Variants in RASEF observed in about 807,000 individuals in gnomAD.
RASEF encodes ras and EF-hand domain-containing protein.
In RASEF, 68 loss-of-function variants were observed where a neutral mutation model predicts 90.1. The observed-to-expected ratio is 0.75, with a 90% confidence interval of 0.62 to 0.92. The LOEUF (loss-of-function observed/expected upper bound fraction) is 0.92, where lower values mean the gene tolerates loss of function less well. Among genes scored for constraint, RASEF ranks in the 40% least tolerant of loss-of-function variants. The pLI, the probability that RASEF is intolerant of heterozygous loss-of-function variation, is 0.00. For missense variants in RASEF, 949 were observed against 937.2 expected, an observed-to-expected ratio of 1.01 and a Z score of -0.16; for synonymous variants, 331 against 345.2, an observed-to-expected ratio of 0.96 and a Z score of 0.46.
chr9:82,994,712 C>A (rs548813025), intron 14 of RASEF, among the ~76,000 whole-genome samples: 1 of 152,202 alleles, frequency 6.6e-6, no homozygotes, highest in Admixed American at 6.5e-5. Context: ...TATCTCCATT[C>A]AGCTTTTACC....
the RASEF span, among the ~76,000 whole-genome samples, chr9:83,090,022 C>T: frequency 5.9e-5 from 9 of 152,034 alleles, no homozygotes; most frequent in Admixed American, 4.6e-4. Context: ...AGGATTTGTT[C>T]ATTTTTCTTC....
rs1830234675 is a variant in RASEF at position 83,062,696 on chromosome 9, G to T, written c.172C>A (p.Arg58Ser). 3.2e-6 allele frequency: 5 copies of T among 1,575,028 alleles called. No individual in the cohort carries two copies. Among genetic ancestry groups the T allele is most frequent in the Non-Finnish European group, 3.4e-6 (4 of 1,169,288 alleles). ...TCCTGGAAGGTGATGGCGCCGTCAC[G>T]GTCGGCGTCCAGCCGCTGGAATACT... Reference protein sequence around the residue: ...EAVFQRLDADRDGAITFQEFA... With the variant: ...EAVFQRLDADSDGAITFQEFA... The change falls in exon 1 of 17, where the codon CGT becomes AGT. Residue 58 changes from arginine to serine, a missense_variant. Arg to Ser is a moderately radical substitution (Grantham distance 110). Around this residue, in one of 3 missense-constraint regions of RASEF, gnomAD observed 656 missense variants for 592.2 expected, o/e 1.11. Transcript: ENST00000376447.
At chr9:83,111,913 T>C in the RASEF span, among the ~76,000 whole-genome samples, 13 of 152,092 alleles carry the variant, frequency 8.5e-5, no homozygotes, top group African/African-American at 3.1e-4. Context: ...ATACTTGTAA[T>C]AGCTGTAATA....
intron 7 of RASEF, 24 bp downstream of exon 7, chr9:83,007,413 T>C: frequency 1.3e-6 from 2 of 1,548,856 alleles, no homozygotes; most frequent in Non-Finnish European, 1.8e-6. Flanking sequence ...GTAAATGTAA[T>C]GAGCATTTGA....
chr9:83,093,513 G>A, the RASEF span, among the ~76,000 whole-genome samples: 1 of 152,242 alleles, frequency 6.6e-6, no homozygotes, highest in African/African-American at 2.4e-5. Context: ...GGGGGACCCA[G>A]TACACCCTCC....
chr9:83,153,411 C>A, the RASEF span, among the ~76,000 whole-genome samples: 592 of 152,234 alleles, frequency 3.9e-3, 4 homozygotes, highest in African/African-American at 0.013. Context: ...CAAAGGAGCC[C>A]ACCATTTATA....
intron 1 of RASEF, among the ~76,000 whole-genome samples, chr9:83,044,336 A>G (rs113923792): frequency 1.3e-4 from 20 of 152,260 alleles, no homozygotes; most frequent in African/African-American, 4.8e-4. Context: ...TGGCTGCCCA[A>G]ATCCAAGATG....
At chr9:83,158,958 G>A in the RASEF span, among the ~76,000 whole-genome samples, 22 of 151,696 alleles carry the variant, frequency 1.5e-4, no homozygotes, top group East Asian at 1.2e-3. Context: ...AGGCCGAGGC[G>A]GGTAGATCAC....
At chr9:83,147,430 A>C in the RASEF span, among the ~76,000 whole-genome samples, 1 of 152,164 alleles carries the variant, frequency 6.6e-6, no homozygotes, top group African/African-American at 2.4e-5. Flanking sequence ...ATAGTGTTGA[A>C]ATAGGAGAGT....
chr9:83,177,640 G>A, the RASEF span, among the ~76,000 whole-genome samples: 1 of 150,784 alleles, frequency 6.6e-6, no homozygotes, highest in African/African-American at 2.4e-5. Context: ...TGTATGTGAT[G>A]TGTCATTTAG....
the RASEF span, among the ~76,000 whole-genome samples, chr9:83,143,214 A>G: frequency 6.6e-6 from 1 of 152,188 alleles, no homozygotes; most frequent in Non-Finnish European, 1.5e-5. Flanking sequence ...TTGCAACAAA[A>G]ACAAAAATTG....
In RASEF at chr9:82,992,886, T is replaced by G; in HGVS notation, c.2040+20A>C. ...TAAACCCCATGTTCTCTTCTAATTC[T>G]GAGGCATCCTCACTCTTACCATGGC... On this transcript the variant is annotated intron_variant, in intron 15 of 16. Transcript: ENST00000376447. The G allele has an allele frequency of 6.2e-7, 1 of 1,612,288 alleles. No individual in the cohort carries two copies. The highest frequency in any genetic ancestry group is 8.5e-7 in the Non-Finnish European group (1 of 1,179,070).
At chr9:82,997,956 A>C (rs6559693) in intron 13 of RASEF, among the ~76,000 whole-genome samples, 1 of 152,008 alleles carries the variant, frequency 6.6e-6, no homozygotes, top group Non-Finnish European at 1.5e-5. Flanking sequence ...GCCATCACCA[A>C]ATGCAAGTCT....
Position 82,981,395 on chromosome 9 carries a change from T to C in RASEF, c.*1282A>G, listed in dbSNP as rs1828597666. ...ACTCACCTTTCCTAATGGTGATTCCTCTTTCAAGGATATTATTTCAAAACC... is the reference window on the plus strand; with the variant it reads ...ACTCACCTTTCCTAATGGTGATTCCCCTTTCAAGGATATTATTTCAAAACC... On this transcript the variant is annotated 3_prime_UTR_variant, in exon 17 of 17. Coordinates refer to ENST00000376447, the MANE Select transcript of RASEF (RefSeq NM_152573.4). 1 of 152,216 alleles carries C rather than the reference T, an allele frequency of 6.6e-6. No individual in the cohort carries two copies. Among genetic ancestry groups the C allele is most frequent in the African/African-American group, 2.4e-5 (1 of 41,456 alleles). 9.4% of individuals were successfully genotyped at this position (152,216 alleles called of 1,614,324 possible).
the RASEF span, among the ~76,000 whole-genome samples, chr9:83,102,231 C>T: frequency 6.6e-6 from 1 of 152,164 alleles, no homozygotes; most frequent in East Asian, 1.9e-4. Flanking sequence ...CGCCCGCCAC[C>T]ACGCCCAGCT....
At chr9:83,021,964 T>C (rs987585930) in intron 3 of RASEF, among the ~76,000 whole-genome samples, 3 of 152,094 alleles carry the variant, frequency 2.0e-5, no homozygotes, top group African/African-American at 7.2e-5. Context: ...GACACAGGTA[T>C]GGAAAGTCAA....
In RASEF at chr9:83,049,529, C is replaced by CTTTTTTTTTTTTTTTTTTT. The variant is rs10687615; in HGVS notation, c.431+12889_431+12907dup. Among the ~76,000 whole-genome samples the CTTTTTTTTTTTTTTTTTTT allele has an allele frequency of 5.0e-5, 5 of 99,084 alleles. 1 individual carries two copies. The highest frequency in any genetic ancestry group is 1.2e-4 in the Admixed American group (1 of 8,552). 65.0% of individuals were successfully genotyped at this position (99,084 alleles called of 152,430 possible). A position where few individuals can be genotyped will look rare whatever the true frequency, so the allele number is the denominator to read the frequency against. On this transcript the variant is annotated intron_variant, in intron 1 of 16. Coordinates refer to ENST00000376447, the MANE Select transcript of RASEF (RefSeq NM_152573.4). Reference sequence around the variant, plus strand: ...ATGCACAGCCCACCTTTCTGCCTTCCTTTTTTTTTTTTTTTTTTTTTTTAT... The same window carrying CTTTTTTTTTTTTTTTTTTT: ...ATGCACAGCCCACCTTTCTGCCTTCCTTTTTTTTTTTTTTTTTTTTTTTTTTTTTTTTTTTTTTTTTTAT...
chr9:83,136,788 T>G, the RASEF span, among the ~76,000 whole-genome samples: 20 of 152,256 alleles, frequency 1.3e-4, no homozygotes, highest in African/African-American at 4.6e-4. Context: ...TTTCCTTGCA[T>G]AGTTTACACT....
chr9:83,079,698 C>T, the RASEF span, among the ~76,000 whole-genome samples: 1 of 150,992 alleles, frequency 6.6e-6, no homozygotes, highest in Non-Finnish European at 1.5e-5. Flanking sequence ...GTCAGAGAAT[C>T]ATCCTCAAAG....
Sources: allele counts gnomAD v4.1 joint callset (sites outside exome capture counted in the v4.1 genomes callset), GRCh38; gene constraint gnomAD v4.1.1; regional missense constraint gnomAD v4.1.1; transcripts MANE v1.5; gene names NCBI Gene and HGNC (gene_info 2026-07-23, HGNC 2026-07-21).